SPDYE14: variants seen among roughly 807,000 people sequenced by gnomAD.
SPDYE14 encodes speedy/RINGO cell cycle regulator family member E14.
chr7:75,274,867 A>ACATCTTTTTTC, the SPDYE14 span, among the ~76,000 whole-genome samples: 1 of 72,804 alleles, frequency 1.4e-5, no homozygotes, highest in African/African-American at 3.7e-5. Context: ...ATAAAACTGA[A>ACATCTTTTTTC]CATCTTTTTT....
the SPDYE14 span, among the ~76,000 whole-genome samples, chr7:75,272,661 C>T: frequency 5.4e-5 from 3 of 55,450 alleles, 1 homozygote; most frequent in African/African-American, 1.3e-4. Context: ...CCAAGGCGGG[C>T]GGATCACCTG....
At chr7:75,251,613 T>A in the SPDYE14 span, among the ~76,000 whole-genome samples, 1 of 30,868 alleles carries the variant, frequency 3.2e-5, no homozygotes, top group Admixed American at 3.9e-4. Context: ...CCTCCTGCCT[T>A]GGCTTCCCAA....
chr7:75,258,230 C>T, the SPDYE14 span, among the ~76,000 whole-genome samples: 1 of 56,756 alleles, frequency 1.8e-5, no homozygotes, highest in Non-Finnish European at 4.4e-5. Context: ...ATGTGCCATG[C>T]TGGTGTGCTA....
At chr7:75,271,359 T>C in the SPDYE14 span, among the ~76,000 whole-genome samples, 1 of 45,302 alleles carries the variant, frequency 2.2e-5, no homozygotes, top group African/African-American at 5.1e-5. Context: ...AGACAGAGTA[T>C]GACCCTGTCT....
At chr7:75,265,020 T>TG in the SPDYE14 span, among the ~76,000 whole-genome samples, 1 of 59,382 alleles carries the variant, frequency 1.7e-5, no homozygotes, top group African/African-American at 4.6e-5. Context: ...ATTCTTTGCC[T>TG]GTTTTTTTTT....
the SPDYE14 span, among the ~76,000 whole-genome samples, chr7:75,247,442 G>GAAAGAAAGAA: frequency 1.4e-5 from 1 of 69,112 alleles, no homozygotes; most frequent in African/African-American, 4.3e-5. Flanking sequence ...GAGAGAGAAA[G>GAAAGAAAGAA]AGAAAGAAAG....
chr7:75,274,994 G>A, the SPDYE14 span, among the ~76,000 whole-genome samples: 10 of 60,630 alleles, frequency 1.6e-4, 3 homozygotes, highest in African/African-American at 3.9e-4. Flanking sequence ...CTGCCCGGCC[G>A]CCCCTACTGG....
the SPDYE14 span, among the ~76,000 whole-genome samples, chr7:75,279,408 TCCC>T: frequency 8.9e-6 from 1 of 112,460 alleles, no homozygotes; most frequent in Admixed American, 9.4e-5. Context: ...CACCTCAGCC[TCCC>T]GAGTAGCTGA....
chr7:75,262,399 T>C, the SPDYE14 span, among the ~76,000 whole-genome samples: 1 of 57,424 alleles, frequency 1.7e-5, no homozygotes, highest in South Asian at 6.1e-4. Flanking sequence ...ATAATAGAGA[T>C]AGGGTTTCAA....
At chr7:75,279,515 G>C in the SPDYE14 span, among the ~76,000 whole-genome samples, 30 of 73,472 alleles carry the variant, frequency 4.1e-4, no homozygotes, top group Admixed American at 1.8e-3. Context: ...CAAATGGTAT[G>C]ATCTTGGCTC....
At chr7:75,241,680 A>AAAAT in the SPDYE14 span, among the ~76,000 whole-genome samples, 8 of 19,736 alleles carry the variant, frequency 4.1e-4, no homozygotes, top group African/African-American at 1.0e-3. Context: ...AAAAAAAAAA[A>AAAAT]ATATATATAT....
the SPDYE14 span, among the ~76,000 whole-genome samples, chr7:75,255,116 C>CTCTTTCTT: frequency 4.7e-5 from 1 of 21,198 alleles, no homozygotes; most frequent in African/African-American, 1.2e-4. Context: ...TTCTTTCTTT[C>CTCTTTCTT]TCTTTCTTTC....
the SPDYE14 span, among the ~76,000 whole-genome samples, chr7:75,247,282 G>T: frequency 1.5e-4 from 4 of 27,284 alleles, 2 homozygotes; most frequent in Non-Finnish European, 4.4e-4. Flanking sequence ...GTTCAAGGCT[G>T]CAGTGAGCTG....
chr7:75,271,814 CA>C, the SPDYE14 span, among the ~76,000 whole-genome samples: 1 of 42,132 alleles, frequency 2.4e-5, no homozygotes. Context: ...AACTCTGTCT[CA>C]AAAAAAAGTG....
chr7:75,240,601 A>C, the SPDYE14 span, among the ~76,000 whole-genome samples: 1 of 70,708 alleles, frequency 1.4e-5, no homozygotes, highest in African/African-American at 4.1e-5. Context: ...GCCTCAAAAA[A>C]AAAAAAACAC....
the SPDYE14 span, among the ~76,000 whole-genome samples, chr7:75,265,953 C>A: frequency 2.1e-5 from 1 of 47,222 alleles, no homozygotes; most frequent in Non-Finnish European, 4.7e-5. Context: ...CACTGCACTC[C>A]AGCCTGGGTG....
chr7:75,276,446 G>A, the SPDYE14 span, among the ~76,000 whole-genome samples: 10 of 48,664 alleles, frequency 2.1e-4, 1 homozygote, highest in African/African-American at 4.5e-4. Flanking sequence ...CGAGAATGGT[G>A]GCATGCCCTG....
chr7:75,240,299 G>A, the SPDYE14 span, among the ~76,000 whole-genome samples: 235 of 51,022 alleles, frequency 4.6e-3, no homozygotes, highest in East Asian at 0.02. Context: ...AGTTTCTTAA[G>A]AAAAAAAAAA....
the SPDYE14 span, among the ~76,000 whole-genome samples, chr7:75,251,476 G>A: frequency 1.6e-5 from 1 of 63,702 alleles, no homozygotes; most frequent in East Asian, 3.4e-4. Flanking sequence ...AACTGATGCA[G>A]TTGGCATTCA....
Sources: gnomAD v4.1 joint callset for allele counts (sites outside exome capture counted in the v4.1 genomes callset) on GRCh38, gnomAD v4.1.1 for gene constraint, MANE v1.5 for transcripts, NCBI Gene and HGNC (gene_info 2026-07-23, HGNC 2026-07-21) for gene names.